Variants in PCDHGA9 observed in about 807,000 individuals in gnomAD.
PCDHGA9 encodes the protein protocadherin gamma-A9.
PCDHGA9 carries 37 observed loss-of-function variants against 62.5 expected under a neutral mutation model. The ratio of observed to expected loss-of-function variants is 0.59; its 90% CI spans 0.46 to 0.78. The LOEUF is 0.78. Among genes scored for constraint, PCDHGA9 ranks in the 30% least tolerant of loss-of-function variants. The pLI is 0.00. For synonymous variants in PCDHGA9, 459 were observed against 484.6 expected, an observed-to-expected ratio of 0.95 and a Z score of 0.69; for missense variants, 1,138 against 1,166.2, an observed-to-expected ratio of 0.98 and a Z score of 0.35.
rs2097438776 is a variant in PCDHGA9 at position 141,432,018 on chromosome 5, T to C, written c.2424+26642T>C. Reference sequence around the variant, plus strand: ...AGGGAACAGGTTCCTAGCTACAACATCACAGTGACCGCCACTGACCGGGGA... The same window carrying C: ...AGGGAACAGGTTCCTAGCTACAACACCACAGTGACCGCCACTGACCGGGGA... On this transcript the variant is annotated intron_variant, in intron 1 of 3. Transcript: ENST00000573521. This position sits in a 1 kb window ranked among gnomAD's most constrained non-coding sequence, Gnocchi z 6.0. 1.9e-6 allele frequency: 3 copies of C among 1,614,048 alleles called. No homozygotes were observed. In the South Asian group the frequency reaches 3.3e-5, roughly 18 times the overall value.
chr5:141,509,067 C>T (rs987332283), intron 3 of PCDHGA9, among the ~76,000 whole-genome samples: 1 of 152,132 alleles, frequency 6.6e-6, no homozygotes, highest in African/African-American at 2.4e-5. Flanking sequence ...CTCTCAGCTC[C>T]GGGGATTTGC....
rs2099611311 is a variant in PCDHGA9 at position 141,485,311 on chromosome 5, G to A, written c.2425-9496G>A. 3.1e-6 allele frequency: 5 copies of A among 1,614,174 alleles called. No individual in the cohort carries two copies. The East Asian group carries it at 6.7e-5, about 22-fold the overall frequency. ...AGTCACAGGAAGGGACTTTTGTAGGGAATGTCGCTCAAGATTTCCTGCTGG... is the reference window on the plus strand; with the variant it reads ...AGTCACAGGAAGGGACTTTTGTAGGAAATGTCGCTCAAGATTTCCTGCTGG... On this transcript the variant is annotated intron_variant, in intron 1 of 3. Transcript: ENST00000573521. The surrounding 1 kb of genome is among the most constrained non-coding windows in gnomAD (Gnocchi z 5.7).
Position 141,478,335 on chromosome 5 carries a change from C to T in PCDHGA9, c.2425-16472C>T, listed in dbSNP as rs202213361. On this transcript the variant is annotated intron_variant, in intron 1 of 3. Coordinates refer to ENST00000573521, the MANE Select transcript of PCDHGA9 (RefSeq NM_018921.3). ...AGCTCACTGTACCGAACACCAGGGC[C>T]CTCCTTGCACGCGGACGCCGTGCGG... 4.7e-5 allele frequency: 76 copies of T among 1,613,822 alleles called. No individual in the cohort carries two copies. The highest frequency in any genetic ancestry group is 6.1e-5 in the Non-Finnish European group (72 of 1,180,028).
rs1038145479 is a variant in PCDHGA9 at position 141,408,047 on chromosome 5, A to G, written c.2424+2671A>G. The G allele has an allele frequency of 5.6e-6, 7 of 1,243,316 alleles. No individual in the cohort carries two copies. In the African/African-American group the frequency reaches 1.1e-4, roughly 19 times the overall value. The allele number at this position is 1,243,316 out of a possible 1,614,324, so 77.0% of individuals were successfully genotyped here. On this transcript the variant is annotated intron_variant, in intron 1 of 3. Coordinates refer to ENST00000573521, the MANE Select transcript of PCDHGA9 (RefSeq NM_018921.3). ...GAAAGAAGAAAACCAGCTCCCACAC[A>G]GAGCCTCCCGGCTGCGCAGACCTTT...
At chr5:141,424,491 G>T (rs2096824224) in intron 1 of PCDHGA9, 1 of 152,122 alleles carries the variant, frequency 6.6e-6, no homozygotes, top group South Asian at 2.1e-4. Context: ...GTCTGTGTTT[G>T]TATGTATGGA....
chr5:141,463,438 CTTTTTTTTTTT>C (rs71576115), intron 1 of PCDHGA9, among the ~76,000 whole-genome samples: 7 of 103,256 alleles, frequency 6.8e-5, no homozygotes, highest in African/African-American at 1.8e-4. Flanking sequence ...TTTCCTTCTC[CTTTTTTTTTTT>C]TTTTTTTTTT....
At chr5:141,407,974 G>A (rs1229330658) in intron 1 of PCDHGA9, 3 of 728,612 alleles carry the variant, frequency 4.1e-6, no homozygotes, top group African/African-American at 1.8e-5. Context: ...CGCTGACGCC[G>A]GGGATCCGTC....
In PCDHGA9 at chr5:141,461,039, C is replaced by T. The variant is rs1026091108; in HGVS notation, c.2425-33768C>T. On this transcript the variant is annotated intron_variant, in intron 1 of 3. Coordinates refer to ENST00000573521, the MANE Select transcript of PCDHGA9 (RefSeq NM_018921.3). ...ACATTTTCTTTATCCACTCATTAGT[C>T]GATGGGGACTTAGGTTGGTTTCACA... is the stretch of plus-strand genomic sequence containing the variant. 2.7e-5 allele frequency among the ~76,000 whole-genome samples: 4 copies of T among 150,906 alleles called. No homozygotes were observed. In the East Asian group the frequency reaches 7.8e-4, roughly 29 times the overall value.
intron 1 of PCDHGA9, among the ~76,000 whole-genome samples, chr5:141,449,636 TA>T (rs1448731592): frequency 7.3e-5 from 11 of 150,610 alleles, no homozygotes; most frequent in Non-Finnish European, 1.2e-4. Flanking sequence ...AAGATGTATC[TA>T]TATATACATA....
intron 2 of PCDHGA9, among the ~76,000 whole-genome samples, chr5:141,499,445 C>A (rs904360147): frequency 1.3e-5 from 2 of 152,062 alleles, no homozygotes; most frequent in African/African-American, 4.8e-5. Flanking sequence ...AAAGGAAAAC[C>A]ACCCATCATT....
intron 1 of PCDHGA9, chr5:141,433,042 G>A (rs752612411): frequency 6.2e-6 from 10 of 1,614,142 alleles, no homozygotes; most frequent in Non-Finnish European, 7.6e-6. Flanking sequence ...CCCTCACCAC[G>A]GACTCGCGGA....
chr5:141,403,169 C>T lies in PCDHGA9; in HGVS notation c.217C>T (p.Gln73Ter). The T allele has an allele frequency of 8.1e-6, 13 of 1,614,016 alleles. No homozygotes were observed. The highest frequency in any genetic ancestry group is 1.1e-5 in the Non-Finnish European group (13 of 1,179,910). The change falls in exon 1 of 4, where the codon CAG (glutamine) becomes TAG (stop). Residue 73 changes from glutamine to a stop codon, truncating the protein, a stop_gained. Transcript: ENST00000573521. LOFTEE classifies it high-confidence loss of function. ...CCGCATCGTCTCTAGAGGTAGGACGCAGCTTTTCTCTCTGAACCCGCGCAG... is the reference window on the plus strand; with the variant it reads ...CCGCATCGTCTCTAGAGGTAGGACGTAGCTTTTCTCTCTGAACCCGCGCAG... ...RVRIVSRGRT[Q>*]LFSLNPRSGT...
intron 1 of PCDHGA9, among the ~76,000 whole-genome samples, chr5:141,438,591 CATATATATATATATATATAT>C (rs946798767): frequency 2.1e-4 from 16 of 75,572 alleles, no homozygotes; most frequent in Middle Eastern, 0.016. Context: ...TACATACATA[CATATATATATATATATATAT>C]ATATATATAT....
At position 141,431,140 on chromosome 5, in the gene PCDHGA9, C is replaced by T. The variant is rs145692116; in HGVS notation, c.2424+25764C>T. 2.4e-5 allele frequency: 38 copies of T among 1,614,208 alleles called. No individual in the cohort carries two copies. Among genetic ancestry groups the T allele is most frequent in the Admixed American group, 3.3e-5 (2 of 60,038 alleles). On this transcript the variant is annotated intron_variant, in intron 1 of 3. Coordinates refer to ENST00000573521, the MANE Select transcript of PCDHGA9 (RefSeq NM_018921.3). This position sits in a 1 kb window ranked among gnomAD's most constrained non-coding sequence, Gnocchi z 4.8. ...TAGAAGTAGAAGTAAGGGACATTAA[C>T]GACAATGCGCCTTACTTTCGTGAAA...
At chr5:141,482,513 A>C (rs552094845) in intron 1 of PCDHGA9, among the ~76,000 whole-genome samples, 1 of 143,798 alleles carries the variant, frequency 7.0e-6, no homozygotes, top group East Asian at 2.1e-4. Flanking sequence ...CCCAGAGTAC[A>C]GTATGAGACA....
At chr5:141,408,712 T>G in intron 1 of PCDHGA9, 1 of 1,612,332 alleles carries the variant, frequency 6.2e-7, no homozygotes, top group Non-Finnish European at 8.5e-7. Flanking sequence ...TTAAAGATTA[T>G]AAGATAAACT....
intron 2 of PCDHGA9, among the ~76,000 whole-genome samples, chr5:141,497,006 T>C (rs947830895): frequency 1.3e-5 from 2 of 151,678 alleles, no homozygotes; most frequent in South Asian, 2.1e-4. Context: ...GCAGCCAACA[T>C]GGTGAAACCC....
At chr5:141,478,545 A>C in intron 1 of PCDHGA9, 1 of 1,605,606 alleles carries the variant, frequency 6.2e-7, no homozygotes, top group Non-Finnish European at 8.5e-7. Flanking sequence ...CCTCCCGGAC[A>C]GGTAAGGTTT....
rs377701820 is a variant in PCDHGA9 at position 141,422,031 on chromosome 5, G to A, written c.2424+16655G>A. On this transcript the variant is annotated intron_variant, in intron 1 of 3. Coordinates refer to ENST00000573521, the MANE Select transcript of PCDHGA9 (RefSeq NM_018921.3). ...CTCGGGTGCTGATGGTTAATGCAAC[G>A]GATCCAGACGAGGGAATCAACGGGG... 127 of 1,610,494 alleles carry A rather than the reference G, an allele frequency of 7.9e-5. No individual in the cohort carries two copies. In the East Asian group the frequency reaches 2.4e-3, roughly 31 times the overall value.
Sources: gnomAD v4.1 joint callset for allele counts (sites outside exome capture counted in the v4.1 genomes callset) on GRCh38, gnomAD v4.1.1 for gene constraint, Gnocchi (gnomAD v3.1) non-coding constraint, MANE v1.5 for transcripts, NCBI Gene and HGNC (gene_info 2026-07-23, HGNC 2026-07-21) for gene names.